The following NDE1 variants were observed in gnomAD, a reference collection of about 807,000 sequenced individuals.
NDE1 encodes nuclear distribution protein nudE homolog 1.
NDE1 carries 28 observed loss-of-function variants against 43.4 expected under a neutral mutation model. That is an observed-to-expected ratio of 0.65 (90% CI 0.48 to 0.89). NDE1 has a LOEUF of 0.89. Ranked by LOEUF, NDE1 falls within the 40% of genes least tolerant of loss-of-function variation. NDE1 has a pLI of 0.00. For synonymous variants in NDE1, 184 were observed against 172.0 expected (o/e 1.07, Z -0.55); for missense variants, 441 against 434.1 (o/e 1.02, Z -0.14).
At chr16:15,652,965 A>T (rs929206942) in intron 1 of NDE1, among the ~76,000 whole-genome samples, 10 of 152,086 alleles carry the variant, frequency 6.6e-5, no homozygotes, top group African/African-American at 2.4e-4. Context: ...GCCTGGCCTA[A>T]GCTTTTTAAA....
Position 15,725,327 on chromosome 16 carries a change from AAGC to A in NDE1, c.*1082_*1084del. ...ATCCCTGCCAAGGTTGGTAGAGACA[AAGC>A]AGCAGGTCTGAGAGTCCAGACGAGG... On this transcript the variant is annotated 3_prime_UTR_variant, in exon 9 of 9. Coordinates refer to ENST00000396354, the MANE Select transcript of NDE1 (RefSeq NM_017668.3). 1.8e-6 allele frequency: 1 copy of A among 561,284 alleles called. No homozygotes were observed. The highest frequency in any genetic ancestry group is 3.1e-6 in the Non-Finnish European group (1 of 317,898). The allele number at this position is 561,284 out of a possible 1,614,324, so 34.8% of individuals were successfully genotyped here. A position where few individuals can be genotyped will look rare whatever the true frequency, so the allele number is the denominator to read the frequency against.
chr16:15,721,310 G>T (rs774281109), intron 8 of NDE1: 3 of 1,273,658 alleles, frequency 2.4e-6, no homozygotes, highest in Admixed American at 3.7e-5. Flanking sequence ...TTCCATTTCC[G>T]ATGATAGTTC....
At chr16:15,707,128 T>A (rs1000476650) in intron 8 of NDE1, among the ~76,000 whole-genome samples, 2 of 152,130 alleles carry the variant, frequency 1.3e-5, no homozygotes, top group African/African-American at 2.4e-5. Context: ...AGCCTCTGCC[T>A]CCCAGGTTCA....
rs370858630 is a variant in NDE1 at position 15,708,816 on chromosome 16, G to A, written c.947+11956G>A. The A allele has an allele frequency of 6.2e-6, 10 of 1,608,934 alleles. No individual in the cohort carries two copies. The highest frequency in any genetic ancestry group is 1.1e-5 in the South Asian group (1 of 89,522). ...AAGGCATGATACCTGGTGCATCACTGCGAAGTTTCCTGTGGGGGGGGCCCT... is the reference window on the plus strand; with the variant it reads ...AAGGCATGATACCTGGTGCATCACTACGAAGTTTCCTGTGGGGGGGGCCCT... On this transcript the variant is annotated intron_variant, in intron 8 of 8. Coordinates refer to ENST00000396354, the MANE Select transcript of NDE1 (RefSeq NM_017668.3).
At chr16:15,691,391 G>A (rs1481449652) in intron 6 of NDE1, 68 bp downstream of exon 6, 2 of 1,532,578 alleles carry the variant, frequency 1.3e-6, no homozygotes, top group Non-Finnish European at 1.8e-6. Context: ...ATCTGGGGTG[G>A]GTCCTGGGGG....
intron 2 of NDE1, among the ~76,000 whole-genome samples, chr16:15,665,813 A>G (rs1432827512): frequency 1.3e-5 from 2 of 150,994 alleles, no homozygotes; most frequent in Non-Finnish European, 2.9e-5. Flanking sequence ...CTGTAGTGCA[A>G]TGGCATGATC....
chr16:15,662,090 C>T (rs2037074580), intron 1 of NDE1, among the ~76,000 whole-genome samples: 1 of 151,888 alleles, frequency 6.6e-6, no homozygotes, highest in Non-Finnish European at 1.5e-5. Flanking sequence ...TGTTGCACCA[C>T]ACCAGTCTAA....
chr16:15,661,297 C>T (rs577868802), intron 1 of NDE1, among the ~76,000 whole-genome samples: 5 of 152,034 alleles, frequency 3.3e-5, no homozygotes, highest in Non-Finnish European at 7.4e-5. Context: ...TACAGGCACC[C>T]GCTGCCAGGC....
At chr16:15,704,912 C>T in intron 8 of NDE1, among the ~76,000 whole-genome samples, 1 of 152,210 alleles carries the variant, frequency 6.6e-6, no homozygotes, top group East Asian at 1.9e-4. Flanking sequence ...CTCCTGAGCT[C>T]AAGCAGTTCT....
intron 8 of NDE1, chr16:15,717,361 G>A (rs747374404): frequency 1.2e-6 from 2 of 1,603,908 alleles, no homozygotes; most frequent in Admixed American, 1.7e-5. Context: ...GGGGAGGAGA[G>A]TGAAGGCCAT....
chr16:15,673,965 A>G (rs1164395498), intron 3 of NDE1, among the ~76,000 whole-genome samples: 1 of 152,106 alleles, frequency 6.6e-6, no homozygotes, highest in East Asian at 1.9e-4. Context: ...TGGCCCAGTC[A>G]TTTGCTACTG....
At chr16:15,685,634 C>T (rs57991588) in intron 4 of NDE1, among the ~76,000 whole-genome samples, 1,555 of 152,256 alleles carry the variant, frequency 0.01, 32 homozygotes, top group African/African-American at 0.034. Flanking sequence ...ACTTGTATGA[C>T]TCCATCTAGA....
chr16:15,720,420 A>G lies in NDE1; in HGVS notation c.948-3771A>G, dbSNP rs73519685. On this transcript the variant is annotated intron_variant, in intron 8 of 8. Transcript: ENST00000396354. ...CCTTCCCCAGCACAGCCCCCTTGTG[A>G]GGTGGGCATCTCATCCCCAGTTGCA... is the stretch of plus-strand genomic sequence containing the variant. The G allele has an allele frequency of 0.029, 40,997 of 1,436,696 alleles. 2,103 individuals are homozygous for G. The highest frequency in any genetic ancestry group is 0.22 in the African/African-American group (15,857 of 70,948). 89.0% of individuals were successfully genotyped at this position (1,436,696 alleles called of 1,614,324 possible).
At chr16:15,662,344 G>A (rs1179025488) in intron 1 of NDE1, among the ~76,000 whole-genome samples, 1 of 146,750 alleles carries the variant, frequency 6.8e-6, no homozygotes, top group Admixed American at 6.9e-5. Context: ...GTGCAGTGGC[G>A]TGATCTCGGC....
Position 15,725,134 on chromosome 16 carries a change from T to TAAAAAAA in NDE1, c.*892_*898dup. ...ATACCCGTGAGGTATGGGACTCTGA[T>TAAAAAAA]AAAAAAAAAAAAAAACACACACACA... On this transcript the variant is annotated 3_prime_UTR_variant, in exon 9 of 9. Transcript: ENST00000396354. 2 of 540,918 alleles carry TAAAAAAA rather than the reference T, an allele frequency of 3.7e-6. No homozygotes were observed. The highest frequency in any genetic ancestry group is 2.1e-5 in the South Asian group (1 of 47,516). The allele number at this position is 540,918 out of a possible 1,614,324, so 33.5% of individuals were successfully genotyped here.
intron 5 of NDE1, among the ~76,000 whole-genome samples, chr16:15,690,485 A>C (rs1189960261): frequency 6.7e-6 from 1 of 150,248 alleles, no homozygotes; most frequent in Non-Finnish European, 1.5e-5. Flanking sequence ...AGCCTCCCAA[A>C]GTGCTGGGAT....
intron 8 of NDE1, among the ~76,000 whole-genome samples, chr16:15,707,809 T>A: frequency 6.6e-6 from 1 of 151,986 alleles, no homozygotes; most frequent in Admixed American, 6.6e-5. Context: ...CTGTCTCTAA[T>A]AAAAATACAA....
At position 15,677,827 on chromosome 16, in the gene NDE1, AGGCTACC is replaced by A; in HGVS notation, c.268_274del (p.Tyr90ArgfsTer51). 6.2e-7 allele frequency: 1 copy of A among 1,614,140 alleles called. No homozygotes were observed. Among genetic ancestry groups the A allele is most frequent in the Non-Finnish European group, 8.5e-7 (1 of 1,180,032 alleles). On this transcript the variant is annotated frameshift_variant, in exon 4 of 9. Coordinates refer to ENST00000396354, the MANE Select transcript of NDE1 (RefSeq NM_017668.3). LOFTEE classifies it high-confidence loss of function. ...AGAAGTTTGAAGTGCAGCACTCTGA[AGGCTACC>A]GGCAGATCTCAGCCTTGGAGGATGA... is the stretch of plus-strand genomic sequence containing the variant.
chr16:15,693,807 G>A (rs998888901), intron 6 of NDE1, among the ~76,000 whole-genome samples: 1 of 152,130 alleles, frequency 6.6e-6, no homozygotes, highest in African/African-American at 2.4e-5. Flanking sequence ...GGGTGTGGTG[G>A]CACATGGCTA....
Sources: gnomAD v4.1 joint callset for allele counts (sites outside exome capture counted in the v4.1 genomes callset) on GRCh38, gnomAD v4.1.1 for gene constraint, MANE v1.5 for transcripts, NCBI Gene and HGNC (gene_info 2026-07-23, HGNC 2026-07-21) for gene names.